The following MS4A4E variants were observed in gnomAD, a reference collection of about 807,000 sequenced individuals.
The protein encoded by MS4A4E is putative membrane-spanning 4-domains subfamily A member 4E.
Under a neutral mutation model 13.3 loss-of-function variants are expected in MS4A4E, and 23 were observed. The ratio of observed to expected loss-of-function variants is 1.73; its 90% CI spans 1.25 to 2.45. MS4A4E has a LOEUF of 2.45. MS4A4E is among the 30% of genes most tolerant of loss of function. The probability of loss-of-function intolerance (pLI) is 0.00; values close to 1 mark genes in which losing one functional copy is unlikely to be tolerated. For synonymous variants in MS4A4E, 36 were observed against 45.6 expected (o/e 0.79, Z 0.85); for missense variants, 144 against 131.2 (o/e 1.10, Z -0.48).
At position 60,208,692 on chromosome 11, in the gene MS4A4E, A is replaced by G; in HGVS notation, c.384T>C (p.Gly128=). 7.8e-7 allele frequency: 1 copy of G among 1,278,460 alleles called. No individual in the cohort carries two copies. The allele number at this position is 1,278,460 out of a possible 1,614,324, so 79.2% of individuals were successfully genotyped here. Residue 128 remains glycine, a splice_region_variant and synonymous_variant, in exon 6 of 9, where the codon GGT becomes GGC. Transcript: ENST00000651255. ...TTAAGAGGAGCACCATGCCATCCGTACCCTAGGAGAAAACTCATAACAAGG... is the reference window on the plus strand; with the variant it reads ...TTAAGAGGAGCACCATGCCATCCGTGCCCTAGGAGAAAACTCATAACAAGG... ...NCYMTMSILM[G]TDGMVLLLSV... is the part of the protein sequence containing the mutation.
chr11:60,227,496 A>G (rs2084358518), intron 3 of MS4A4E, among the ~76,000 whole-genome samples: 1 of 152,088 alleles, frequency 6.6e-6, no homozygotes, highest in Non-Finnish European at 1.5e-5. Flanking sequence ...GCTTGCAGTG[A>G]GCTGAGATTG....
Position 60,214,571 on chromosome 11 carries a change from C to T in MS4A4E, c.222G>A (p.Leu74=), listed in dbSNP as rs1416163433. The change falls in exon 4 of 9, where the codon CTG becomes CTA. Residue 74 remains leucine, a splice_region_variant and synonymous_variant. Transcript: ENST00000651255. ...ATACCCCCCACAAAACATTACTCAC[C>T]AGACCTTTTGTTGTTCTAATTCCTG... ...VAAGIRTTKG[L]VGGSLGKNIT... 6.6e-7 allele frequency: 1 copy of T among 1,522,692 alleles called. No individual in the cohort carries two copies. The highest frequency in any genetic ancestry group is 1.2e-5 in the South Asian group (1 of 81,414). The allele number at this position is 1,522,692 out of a possible 1,614,324, so 94.3% of individuals were successfully genotyped here.
intron 5 of MS4A4E, among the ~76,000 whole-genome samples, chr11:60,209,558 T>C (rs1000048184): frequency 2.0e-5 from 3 of 152,252 alleles, no homozygotes; most frequent in African/African-American, 7.2e-5. Context: ...TATATGGTTC[T>C]GCCTAATGAT....
chr11:60,224,331 T>C (rs962244621), intron 3 of MS4A4E, among the ~76,000 whole-genome samples: 1 of 152,222 alleles, frequency 6.6e-6, no homozygotes, highest in Non-Finnish European at 1.5e-5. Context: ...AAGGTAACAA[T>C]TTCCTGAGAT....
intron 3 of MS4A4E, among the ~76,000 whole-genome samples, chr11:60,225,518 T>C (rs1284525286): frequency 6.6e-6 from 1 of 152,238 alleles, no homozygotes; most frequent in Non-Finnish European, 1.5e-5. Flanking sequence ...TGATGTTTTC[T>C]TGACGTCTGG....
chr11:60,213,865 T>C (rs1454079900), intron 4 of MS4A4E, among the ~76,000 whole-genome samples: 1 of 152,220 alleles, frequency 6.6e-6, no homozygotes, highest in African/African-American at 2.4e-5. Flanking sequence ...ATTTCTTATA[T>C]TGAAAATTCA....
intron 3 of MS4A4E, among the ~76,000 whole-genome samples, chr11:60,224,374 C>T (rs620612): frequency 0.42 from 63,423 of 152,008 alleles, 13,626 homozygotes; most frequent in Admixed American, 0.42. Flanking sequence ...TTAGAAACTG[C>T]CTGTTTACCA....
intron 3 of MS4A4E, among the ~76,000 whole-genome samples, chr11:60,221,958 G>A (rs1314718971): frequency 6.6e-6 from 1 of 152,126 alleles, no homozygotes; most frequent in East Asian, 1.9e-4. Context: ...GTCCATGAAC[G>A]AAGTGGCCAT....
At chr11:60,225,045 T>C in intron 3 of MS4A4E, 1 of 1,568,122 alleles carries the variant, frequency 6.4e-7, no homozygotes, top group Non-Finnish European at 8.6e-7. Flanking sequence ...ACACACATCA[T>C]TATTATTCCC....
At chr11:60,239,633 C>T (rs955718487) in intron 1 of MS4A4E, among the ~76,000 whole-genome samples, 1 of 152,150 alleles carries the variant, frequency 6.6e-6, no homozygotes, top group Admixed American at 6.5e-5. Flanking sequence ...TGTTTTTGCT[C>T]TCATGGACTA....
chr11:60,214,995 G>T (rs1735442048), intron 3 of MS4A4E, among the ~76,000 whole-genome samples: 1 of 152,024 alleles, frequency 6.6e-6, no homozygotes, highest in Admixed American at 6.5e-5. Context: ...TGTTTAAAAA[G>T]TTATAAAATA....
intron 6 of MS4A4E, chr11:60,206,824 A>T (rs899142654): frequency 8.6e-5 from 19 of 220,134 alleles, no homozygotes; most frequent in Admixed American, 4.4e-5. Context: ...CATCATTATC[A>T]GAGTTTACTC....
intron 3 of MS4A4E, among the ~76,000 whole-genome samples, chr11:60,226,664 T>C (rs1228677881): frequency 6.6e-6 from 1 of 152,188 alleles, no homozygotes; most frequent in Non-Finnish European, 1.5e-5. Flanking sequence ...TATTTATTAA[T>C]AAAACTACAG....
rs373361940 is a variant in MS4A4E, at chr11:60,201,743, C to G, written c.796G>C (p.Val266Leu). 6 of 230,266 alleles carry G rather than the reference C, an allele frequency of 2.6e-5. No individual in the cohort carries two copies. The highest frequency in any genetic ancestry group is 5.4e-5 in the Non-Finnish European group (6 of 111,796). 14.3% of individuals were successfully genotyped at this position (230,266 alleles called of 1,614,324 possible). Reference protein sequence around the residue: ...RVQPLPGRHPVWEVRSVSAWP... With the variant: ...RVQPLPGRHPLWEVRSVSAWP... ...GCAGAGACGCTCCTCACTTCCCAGA[C>G]GGGGTGGCGGCCGGGCAGAGGCTGC... Residue 266 changes from valine (V) to leucine (L), a missense_variant, in exon 9 of 9, where the codon GTC becomes CTC. Val to Leu is a conservative substitution (Grantham distance 32). Coordinates refer to ENST00000651255, the MANE Select transcript of MS4A4E (RefSeq NM_001393391.1).
At position 60,208,709 on chromosome 11, in the gene MS4A4E, A is replaced by C; in HGVS notation, c.382-15T>G. 175 of 1,080,200 alleles carry C rather than the reference A, an allele frequency of 1.6e-4. No individual in the cohort carries two copies. The highest frequency in any genetic ancestry group is 2.2e-4 in the Non-Finnish European group (164 of 739,014). The allele number at this position is 1,080,200 out of a possible 1,614,324, so 66.9% of individuals were successfully genotyped here. On this transcript the variant is annotated splice_polypyrimidine_tract_variant and intron_variant, in intron 5 of 8. Transcript: ENST00000651255. Reference sequence around the variant, plus strand: ...CCATCCGTACCCTAGGAGAAAACTCATAACAAGGGAATGTGAGAAATGGAG... The same window carrying C: ...CCATCCGTACCCTAGGAGAAAACTCCTAACAAGGGAATGTGAGAAATGGAG...
intron 6 of MS4A4E, among the ~76,000 whole-genome samples, chr11:60,208,176 T>G (rs2084071791): frequency 6.6e-6 from 1 of 152,174 alleles, no homozygotes; most frequent in Admixed American, 6.6e-5. Flanking sequence ...AAGTCCCGTA[T>G]GTAGGACTGA....
intron 5 of MS4A4E, among the ~76,000 whole-genome samples, chr11:60,209,660 C>G (rs2084094633): frequency 6.6e-6 from 1 of 152,228 alleles, no homozygotes; most frequent in African/African-American, 2.4e-5. Flanking sequence ...AGAGCACTGG[C>G]TTTAGGGCTA....
Position 60,242,950 on chromosome 11 carries a change from G to A in MS4A4E, c.-17+8C>T. The stretch of plus-strand genomic sequence containing the variant: ...CGAGAGCCTAGGAAGGCAAGTCCCT[G>A]GACCTACCTTTCTTCAGGCCTGCAA... On this transcript the variant is annotated splice_region_variant and intron_variant, in intron 1 of 8. Coordinates refer to ENST00000651255, the MANE Select transcript of MS4A4E (RefSeq NM_001393391.1). 6.4e-7 allele frequency: 1 copy of A among 1,568,620 alleles called. No homozygotes were observed. The highest frequency in any genetic ancestry group is 1.1e-5 in the South Asian group (1 of 88,960).
intron 3 of MS4A4E, 115 bp from the exon 4 acceptor site, chr11:60,214,729 G>T: frequency 1.9e-6 from 1 of 523,658 alleles, no homozygotes; most frequent in African/African-American, 2.0e-5. Flanking sequence ...TGTATAAACA[G>T]GTCAATTATC....
Sources: gnomAD v4.1 joint callset for allele counts (sites outside exome capture counted in the v4.1 genomes callset) on GRCh38, gnomAD v4.1.1 for gene constraint, MANE v1.5 for transcripts, NCBI Gene and HGNC (gene_info 2026-07-23, HGNC 2026-07-21) for gene names.